The following PLA2G4E variants were observed in gnomAD, a reference collection of about 807,000 sequenced individuals.
PLA2G4E encodes cytosolic phospholipase A2 epsilon.
PLA2G4E carries 84 observed loss-of-function variants against 109.1 expected under a neutral mutation model. The ratio of observed to expected loss-of-function variants is 0.77; its 90% CI spans 0.65 to 0.92. The LOEUF (loss-of-function observed/expected upper bound fraction) is 0.92, where lower values mean the gene tolerates loss of function less well. PLA2G4E is among the 40% of genes least tolerant of loss of function. The pLI, the probability that PLA2G4E is intolerant of heterozygous loss-of-function variation, is 0.00. For missense variants in PLA2G4E, 1,057 were observed against 1,076.6 expected (o/e 0.98, Z 0.25); for synonymous variants, 469 against 436.1 (o/e 1.08, Z -0.94).
intron 15 of PLA2G4E, 65 bp downstream of exon 15, chr15:41,989,350 C>T (rs1477323050): frequency 1.9e-5 from 30 of 1,596,526 alleles, no homozygotes; most frequent in Non-Finnish European, 2.5e-5. Flanking sequence ...AATCAGGGGC[C>T]AACCCAGGGT....
At chr15:42,046,439 G>A (rs1226573022) in intron 1 of PLA2G4E, among the ~76,000 whole-genome samples, 1 of 152,148 alleles carries the variant, frequency 6.6e-6, no homozygotes, top group African/African-American at 2.4e-5. Flanking sequence ...GGTCAACCTT[G>A]TGTCCACCTC....
intron 12 of PLA2G4E, 125 bp from the exon 13 acceptor site, chr15:41,993,084 G>A: frequency 1.3e-6 from 1 of 772,486 alleles, no homozygotes; most frequent in East Asian, 2.7e-5. Flanking sequence ...GGAACCTGGA[G>A]AGTAGGGGTG....
chr15:42,013,306 G>A (rs901616764), intron 2 of PLA2G4E, among the ~76,000 whole-genome samples: 1 of 152,188 alleles, frequency 6.6e-6, no homozygotes, highest in South Asian at 2.1e-4. Flanking sequence ...GGCCCTAACC[G>A]AAAGGAGGAG....
intron 1 of PLA2G4E, among the ~76,000 whole-genome samples, chr15:42,041,834 G>A (rs777095153): frequency 3.0e-4 from 46 of 152,164 alleles, no homozygotes; most frequent in Non-Finnish European, 6.3e-4. Flanking sequence ...TTTGCTGAGG[G>A]ACCCTCCTCA....
At chr15:42,041,087 G>A (rs919647801) in intron 1 of PLA2G4E, among the ~76,000 whole-genome samples, 3 of 152,180 alleles carry the variant, frequency 2.0e-5, no homozygotes, top group Admixed American at 1.3e-4. Flanking sequence ...ATAGGATGTA[G>A]ATTAGAGCAA....
At chr15:41,992,500 G>T (rs2068267029) in intron 13 of PLA2G4E, among the ~76,000 whole-genome samples, 1 of 152,216 alleles carries the variant, frequency 6.6e-6, no homozygotes, top group African/African-American at 2.4e-5. Context: ...GCTGCCCTAG[G>T]CAGGTTTGCC....
chr15:41,987,400 G>A (rs28438985), intron 16 of PLA2G4E, 25 bp from the exon 17 acceptor site: 258,002 of 1,587,090 alleles, frequency 0.16, 24,137 homozygotes, highest in Middle Eastern at 0.2. Flanking sequence ...GGGATGAAGG[G>A]CAGGTCATGA....
intron 7 of PLA2G4E, 119 bp downstream of exon 7, chr15:42,001,038 C>T (rs534889853): frequency 1.8e-5 from 18 of 1,021,708 alleles, no homozygotes; most frequent in East Asian, 1.2e-4. Flanking sequence ...GGGTTTCAGC[C>T]GAGCTTTTGG....
chr15:41,995,643 A>G (rs911627957), intron 11 of PLA2G4E, 147 bp from the exon 12 acceptor site: 8 of 992,578 alleles, frequency 8.1e-6, no homozygotes, highest in Middle Eastern at 2.6e-4. Context: ...GCCACCTGAC[A>G]CCTGCCTTTC....
At chr15:41,999,955 C>A (rs374924494) in exon 9 of PLA2G4E, 70 of 1,611,360 alleles carry the variant, frequency 4.3e-5, no homozygotes, top group Non-Finnish European at 5.8e-5. Flanking sequence ...GAAAGGCAGT[C>A]GAGGGGCTGG....
intron 1 of PLA2G4E, among the ~76,000 whole-genome samples, chr15:42,017,400 A>G (rs1445635963): frequency 1.3e-5 from 2 of 152,240 alleles, no homozygotes; most frequent in South Asian, 4.2e-4. Context: ...AGCAACAATA[A>G]CAGCTAGCAT....
chr15:42,040,067 T>C (rs895449161), intron 1 of PLA2G4E, among the ~76,000 whole-genome samples: 2 of 152,216 alleles, frequency 1.3e-5, no homozygotes, highest in Non-Finnish European at 2.9e-5. Flanking sequence ...CCAGTTGTGG[T>C]GGCTTCTGTC....
At chr15:42,012,036 T>G (rs916741172) in intron 2 of PLA2G4E, among the ~76,000 whole-genome samples, 2 of 152,212 alleles carry the variant, frequency 1.3e-5, no homozygotes, top group Admixed American at 1.3e-4. Flanking sequence ...AGACCCAAAC[T>G]GGAGGCTACT....
intron 2 of PLA2G4E, 108 bp downstream of exon 2, chr15:42,013,577 G>GCC (rs113860755): frequency 8.5e-6 from 9 of 1,059,340 alleles, no homozygotes; most frequent in African/African-American, 1.6e-5. Flanking sequence ...ACGTGCACAC[G>GCC]TGCGCGCGCA....
chr15:42,045,022 G>A (rs989040025), intron 1 of PLA2G4E, among the ~76,000 whole-genome samples: 2 of 151,790 alleles, frequency 1.3e-5, no homozygotes, highest in African/African-American at 4.9e-5. Context: ...GGGCTTCAGT[G>A]ACCCGGCAGG....
Position 41,995,344 on chromosome 15 carries a change from G to A in PLA2G4E, c.1247+16C>T. On this transcript the variant is annotated intron_variant, in intron 12 of 19. Coordinates refer to ENST00000399518, the Ensembl canonical transcript of PLA2G4E. ...CTTGCCCTGGGCTCCACAGACAGTG[G>A]CTCATGTCTCCTTACCAGGTGGCCC... 1 of 1,609,206 alleles carries A rather than the reference G, an allele frequency of 6.2e-7. No homozygotes were observed.
At chr15:42,020,614 A>T (rs1396858097) in intron 1 of PLA2G4E, among the ~76,000 whole-genome samples, 1 of 147,638 alleles carries the variant, frequency 6.8e-6, no homozygotes, top group African/African-American at 2.5e-5. Context: ...CCAAATGTGG[A>T]TCCCCCTGGC....
intron 1 of PLA2G4E, among the ~76,000 whole-genome samples, chr15:42,032,517 T>C (rs1228039995): frequency 6.6e-6 from 1 of 152,218 alleles, no homozygotes; most frequent in East Asian, 1.9e-4. Flanking sequence ...CCCTACTGAC[T>C]TTAGGTCAAT....
intron 1 of PLA2G4E, among the ~76,000 whole-genome samples, chr15:42,036,442 T>C (rs1414695813): frequency 6.6e-6 from 1 of 152,126 alleles, no homozygotes; most frequent in African/African-American, 2.4e-5. Context: ...CGGTGCCGCT[T>C]TGGGGACCAG....
Sources: gnomAD v4.1 joint callset for allele counts (sites outside exome capture counted in the v4.1 genomes callset) on GRCh38, gnomAD v4.1.1 for gene constraint, MANE v1.5 for transcripts, NCBI Gene and HGNC (gene_info 2026-07-23, HGNC 2026-07-21) for gene names.